GOLM2: variants seen among roughly 807,000 people sequenced by gnomAD.
GOLM2 encodes golgi membrane protein 2, also known as protein GOLM2.
Under a neutral mutation model 55.9 loss-of-function variants are expected in GOLM2, and 26 were observed. That is an observed-to-expected ratio of 0.47 (90% CI 0.34 to 0.65). GOLM2 has a LOEUF of 0.65. Ranked by LOEUF, GOLM2 falls within the 30% of genes least tolerant of loss-of-function variation. The pLI is 0.01. For missense variants in GOLM2, 486 were observed against 531.8 expected (o/e 0.91, Z 0.85); for synonymous variants, 165 against 194.6 (o/e 0.85, Z 1.27).
intron 4 of GOLM2, among the ~76,000 whole-genome samples, chr15:44,333,016 C>A (rs1265646210): frequency 6.6e-6 from 1 of 151,948 alleles, no homozygotes; most frequent in Non-Finnish European, 1.5e-5. Flanking sequence ...CACTGCCAGC[C>A]CCGCCTCCTG....
chr15:44,392,013 G>A (rs1422794770), intron 8 of GOLM2, among the ~76,000 whole-genome samples: 1 of 151,938 alleles, frequency 6.6e-6, no homozygotes, highest in African/African-American at 2.4e-5. Context: ...ACCATGCCCT[G>A]CTAATTTTGT....
At chr15:44,396,698 G>T (rs575108334) in intron 8 of GOLM2, among the ~76,000 whole-genome samples, 1 of 152,248 alleles carries the variant, frequency 6.6e-6, no homozygotes, top group East Asian at 1.9e-4. Flanking sequence ...GTGATGTGGA[G>T]CATATGAAGT....
intron 2 of GOLM2, among the ~76,000 whole-genome samples, chr15:44,326,683 G>A (rs1319094373): frequency 1.1e-4 from 15 of 133,838 alleles, no homozygotes; most frequent in East Asian, 4.2e-4. Flanking sequence ...ACGGATTCTC[G>A]CTCTGTTGTC....
intron 6 of GOLM2, among the ~76,000 whole-genome samples, chr15:44,354,313 G>A (rs1473110774): frequency 7.9e-6 from 1 of 127,266 alleles, no homozygotes. Context: ...GTGGGGGGAG[G>A]GGGGAGGGAT....
At chr15:44,391,294 C>G (rs563378802) in intron 8 of GOLM2, among the ~76,000 whole-genome samples, 2 of 151,806 alleles carry the variant, frequency 1.3e-5, no homozygotes, top group African/African-American at 4.8e-5. Context: ...GCGGGCAGAT[C>G]ACGAGGTCGG....
chr15:44,398,733 C>G (rs1248674569), intron 8 of GOLM2, among the ~76,000 whole-genome samples: 1 of 133,224 alleles, frequency 7.5e-6, no homozygotes, highest in African/African-American at 2.8e-5. Context: ...ATAGAGCAAT[C>G]TCAGCTCACT....
chr15:44,317,274 G>A (rs1051869420), intron 1 of GOLM2, among the ~76,000 whole-genome samples: 1 of 152,178 alleles, frequency 6.6e-6, no homozygotes, highest in African/African-American at 2.4e-5. Flanking sequence ...CTACTTGGGA[G>A]GCTGAGGTGG....
intron 8 of GOLM2, among the ~76,000 whole-genome samples, chr15:44,399,002 C>T (rs1316365683): frequency 1.3e-5 from 2 of 152,104 alleles, no homozygotes; most frequent in East Asian, 3.8e-4. Flanking sequence ...TTCAAACTTA[C>T]TCTAACTTTC....
chr15:44,405,766 G>A (rs757612726), intron 9 of GOLM2, among the ~76,000 whole-genome samples: 9 of 151,998 alleles, frequency 5.9e-5, no homozygotes, highest in Admixed American at 5.2e-4. Flanking sequence ...GACTACAGCC[G>A]TGCACCACCA....
At chr15:44,412,858 C>A (rs1389248771) in intron 9 of GOLM2, among the ~76,000 whole-genome samples, 1 of 151,966 alleles carries the variant, frequency 6.6e-6, no homozygotes, top group African/African-American at 2.4e-5. Context: ...CAGAAATTAG[C>A]CAGGCATGGT....
At chr15:44,323,097 A>T in intron 2 of GOLM2, 78 bp downstream of exon 2, 1 of 938,760 alleles carries the variant, frequency 1.1e-6, no homozygotes, top group Non-Finnish European at 1.6e-6. Context: ...AGAAATAGTA[A>T]ATTAGCCTAG....
In GOLM2 at chr15:44,413,855, G is replaced by A. The variant is rs960609239; in HGVS notation, c.*449G>A. The A allele has an allele frequency of 6.8e-6, 1 of 147,940 alleles. No homozygotes were observed. Among genetic ancestry groups the A allele is most frequent in the African/African-American group, 2.5e-5 (1 of 39,688 alleles). 9.2% of individuals were successfully genotyped at this position (147,940 alleles called of 1,614,324 possible). A position where few individuals can be genotyped will look rare whatever the true frequency, so the allele number is the denominator to read the frequency against. ...GACAGAGTTTTAGTCTTGTTTCCCA[G>A]GCTGGAGTGCAATGGCACAATCTTG... is the stretch of plus-strand genomic sequence containing the variant. On this transcript the variant is annotated 3_prime_UTR_variant, in exon 10 of 10. Transcript: ENST00000299957.
intron 6 of GOLM2, among the ~76,000 whole-genome samples, chr15:44,354,295 G>A (rs1049450392): frequency 4.4e-5 from 6 of 137,732 alleles, no homozygotes; most frequent in African/African-American, 1.6e-4. Context: ...ACCAGGGCCT[G>A]TTGTGTAGTG....
intron 9 of GOLM2, 138 bp downstream of exon 9, chr15:44,403,192 C>A: frequency 1.0e-6 from 1 of 970,940 alleles, no homozygotes; most frequent in South Asian, 1.5e-5. Flanking sequence ...GACGGAATTT[C>A]GCTTTTGTTG....
At chr15:44,390,816 G>A (rs565567285) in intron 8 of GOLM2, among the ~76,000 whole-genome samples, 36 of 152,122 alleles carry the variant, frequency 2.4e-4, no homozygotes, top group East Asian at 2.1e-3. Context: ...TGATCCGCCC[G>A]CCTCAGCCTC....
At chr15:44,341,667 A>G (rs1362394625) in intron 6 of GOLM2, among the ~76,000 whole-genome samples, 1 of 151,760 alleles carries the variant, frequency 6.6e-6, no homozygotes, top group East Asian at 1.9e-4. Context: ...ATAATTTTTA[A>G]AAAGTACACA....
rs547820474 is a variant in GOLM2 at position 44,290,044 on chromosome 15, G to A, written c.327+688G>A. Among the ~76,000 whole-genome samples the A allele has an allele frequency of 3.9e-5, 6 of 152,194 alleles. 1 individual carries two copies. In the East Asian group the frequency reaches 1.2e-3, roughly 29 times the overall value. ...AATCTGAAAATAAATTTTAAGCAGT[G>A]GAATGTCATGTCAGTGTCTTCATTG... On this transcript the variant is annotated intron_variant, in intron 1 of 9. Coordinates refer to ENST00000299957, the MANE Select transcript of GOLM2 (RefSeq NM_138423.4).
At chr15:44,349,755 C>G (rs1414253470) in intron 6 of GOLM2, among the ~76,000 whole-genome samples, 1 of 152,166 alleles carries the variant, frequency 6.6e-6, no homozygotes, top group Non-Finnish European at 1.5e-5. Context: ...CCAAACAAGT[C>G]TTAAAACATT....
chr15:44,312,943 G>C (rs2078884044), intron 1 of GOLM2, among the ~76,000 whole-genome samples: 2 of 152,190 alleles, frequency 1.3e-5, no homozygotes, highest in Admixed American at 1.3e-4. Flanking sequence ...GCTGGGCGTG[G>C]TGGCGTGCTC....
Sources: allele counts gnomAD v4.1 joint callset (sites outside exome capture counted in the v4.1 genomes callset), GRCh38; gene constraint gnomAD v4.1.1; transcripts MANE v1.5; gene names NCBI Gene and HGNC (gene_info 2026-07-23, HGNC 2026-07-21).